ABCA1: variants seen among roughly 807,000 people sequenced by gnomAD.
ABCA1 encodes phospholipid-transporting ATPase ABCA1.
A neutral mutation model predicts 262.5 loss-of-function variants in ABCA1; 133 were observed. The ratio of observed to expected loss-of-function variants is 0.51; its 90% CI spans 0.44 to 0.59. The LOEUF (loss-of-function observed/expected upper bound fraction) is 0.59, where lower values mean the gene tolerates loss of function less well. ABCA1 is among the 20% of genes least tolerant of loss of function. ABCA1 has a pLI of 0.00. For missense variants in ABCA1, 2,452 were observed against 2,777.5 expected (o/e 0.88, Z 2.63); for synonymous variants, 1,022 against 1,043.5 (o/e 0.98, Z 0.40).
intron 8 of ABCA1, 100 bp from the exon 9 acceptor site, chr9:104,840,619 G>T: frequency 8.2e-7 from 1 of 1,220,060 alleles, no homozygotes; most frequent in Non-Finnish European, 1.1e-6. Flanking sequence ...TTATTTTCTT[G>T]ACCTCTCAAA....
At chr9:104,878,912 T>C (rs1173018346) in intron 5 of ABCA1, among the ~76,000 whole-genome samples, 1 of 152,006 alleles carries the variant, frequency 6.6e-6, no homozygotes, top group African/African-American at 2.4e-5. Flanking sequence ...CCCAACTGGA[T>C]CACAGAAGCA....
intron 5 of ABCA1, among the ~76,000 whole-genome samples, chr9:104,869,928 C>T (rs1837450409): frequency 6.6e-6 from 1 of 152,062 alleles, no homozygotes; most frequent in South Asian, 2.1e-4. Flanking sequence ...TAAGTTATCA[C>T]TAATGACACT....
intron 5 of ABCA1, among the ~76,000 whole-genome samples, chr9:104,872,090 T>A (rs111822745): frequency 0.017 from 2,551 of 152,336 alleles, 63 homozygotes; most frequent in African/African-American, 0.058. Flanking sequence ...AGGGACATAG[T>A]AGTGCTTTGT....
chr9:104,786,233 C>T, intron 48 of ABCA1, 65 bp downstream of exon 48: 1 of 1,317,992 alleles, frequency 7.6e-7, no homozygotes, highest in Non-Finnish European at 1.1e-6. Context: ...CATTTATATA[C>T]TCACAAAAGA....
chr9:104,872,153 T>C (rs1017972173), intron 5 of ABCA1, among the ~76,000 whole-genome samples: 2 of 152,262 alleles, frequency 1.3e-5, no homozygotes, highest in Non-Finnish European at 2.9e-5. Flanking sequence ...CTATTAGCAT[T>C]ATTTTCCAGA....
In ABCA1 at chr9:104,797,986, A is replaced by G. The variant is rs72732668; in HGVS notation, c.5121+435T>C. ...AATATATTGTGGCTGGCACAAAAAC[A>G]TATTTGCAATGGATGGATAAGCTGC... On this transcript the variant is annotated intron_variant, in intron 37 of 49. Coordinates refer to ENST00000374736, the MANE Select transcript of ABCA1 (RefSeq NM_005502.4). Among the ~76,000 whole-genome samples, 291 of 152,372 alleles carry G rather than the reference A, an allele frequency of 1.9e-3. 1 individual carries two copies. The highest frequency in any genetic ancestry group is 3.1e-3 in the South Asian group (15 of 4,834).
chr9:104,907,296 T>A (rs1348772952), intron 1 of ABCA1, among the ~76,000 whole-genome samples: 1 of 152,178 alleles, frequency 6.6e-6, no homozygotes, highest in Non-Finnish European at 1.5e-5. Flanking sequence ...TTCTTCAATG[T>A]CCTTTCCTGA....
intron 9 of ABCA1, 126 bp from the exon 10 acceptor site, chr9:104,837,693 A>G (rs1217303109): frequency 3.5e-6 from 4 of 1,153,804 alleles, no homozygotes; most frequent in Non-Finnish European, 5.0e-6. Flanking sequence ...TCATATAATA[A>G]GTAACTTATC....
chr9:104,911,003 G>A (rs1055932737), intron 1 of ABCA1, among the ~76,000 whole-genome samples: 4 of 152,088 alleles, frequency 2.6e-5, no homozygotes, highest in East Asian at 1.9e-4. Flanking sequence ...TACCATGCCC[G>A]GCCTCAGTAT....
rs544697318 is a variant in ABCA1, at chr9:104,832,515, A to G, written c.1509+59T>C. 30 of 1,578,350 alleles carry G rather than the reference A, an allele frequency of 1.9e-5. No homozygotes were observed. The Admixed American group carries it at 2.3e-4, about 12-fold the overall frequency. On this transcript the variant is annotated intron_variant, in intron 12 of 49. Coordinates refer to ENST00000374736, the MANE Select transcript of ABCA1 (RefSeq NM_005502.4). ...TTGCCTCCTGCCTGAACCTTATTGT[A>G]ACGTCTCAGAGAAAGAAGCCGTTAA...
intron 17 of ABCA1, 34 bp from the exon 18 acceptor site, chr9:104,824,612 G>A (rs1832662743): frequency 1.2e-6 from 2 of 1,610,442 alleles, no homozygotes; most frequent in Middle Eastern, 2.0e-4. Context: ...GCCAAGCTCA[G>A]CATCATCCCA....
chr9:104,790,708 AAAG>A (rs1248356226), intron 44 of ABCA1, among the ~76,000 whole-genome samples: 3 of 152,244 alleles, frequency 2.0e-5, no homozygotes, highest in Non-Finnish European at 4.4e-5. Context: ...AAAGCTGTTA[AAAG>A]AAGAGAATGA....
intron 5 of ABCA1, among the ~76,000 whole-genome samples, chr9:104,874,426 C>A (rs13285112): frequency 0.55 from 83,231 of 151,948 alleles, 25,823 homozygotes; most frequent in African/African-American, 0.86. Context: ...TTAGCCAGGC[C>A]TGGTGGTAAG....
At chr9:104,919,311 T>C (rs983809676) in intron 1 of ABCA1, among the ~76,000 whole-genome samples, 6 of 152,176 alleles carry the variant, frequency 3.9e-5, no homozygotes, top group Admixed American at 1.3e-4. Context: ...CAGGAGTCCA[T>C]TATAAGAAGT....
chr9:104,870,247 T>A (rs1008826559), intron 5 of ABCA1, among the ~76,000 whole-genome samples: 2 of 152,226 alleles, frequency 1.3e-5, no homozygotes, highest in Non-Finnish European at 2.9e-5. Context: ...GTACCCAAAA[T>A]ACTAGTGTTG....
chr9:104,829,901 A>C (rs920794677), intron 14 of ABCA1, among the ~76,000 whole-genome samples: 3 of 151,592 alleles, frequency 2.0e-5, no homozygotes, highest in Non-Finnish European at 4.4e-5. Flanking sequence ...AAAACAGAGA[A>C]CCAATACAAG....
At chr9:104,800,457 AC>A (rs1830233410) in intron 35 of ABCA1, 52 bp downstream of exon 35, 1 of 1,547,270 alleles carries the variant, frequency 6.5e-7, no homozygotes, top group Non-Finnish European at 8.9e-7. Context: ...ACTCCAGGAA[AC>A]ATAAGGATTA....
intron 49 of ABCA1, 138 bp from the exon 50 acceptor site, chr9:104,784,593 G>T (rs1049801276): frequency 4.9e-6 from 5 of 1,023,336 alleles, no homozygotes; most frequent in Non-Finnish European, 7.3e-6. Flanking sequence ...CTAGAAAACT[G>T]TGTGTGAAGG....
At chr9:104,909,237 C>T (rs1012084144) in intron 1 of ABCA1, among the ~76,000 whole-genome samples, 1 of 152,204 alleles carries the variant, frequency 6.6e-6, no homozygotes, top group Non-Finnish European at 1.5e-5. Flanking sequence ...CTATCACATG[C>T]CAGGTGTGTT....
Sources: gnomAD v4.1 joint callset for allele counts (sites outside exome capture counted in the v4.1 genomes callset) on GRCh38, gnomAD v4.1.1 for gene constraint, MANE v1.5 for transcripts, NCBI Gene and HGNC (gene_info 2026-07-23, HGNC 2026-07-21) for gene names.